LONP2: variants seen among roughly 807,000 people sequenced by gnomAD.
LONP2 encodes lon protease homolog 2, peroxisomal.
LONP2 carries 60 observed loss-of-function variants against 85.6 expected under a neutral mutation model. The observed-to-expected ratio is 0.70, with a 90% confidence interval of 0.57 to 0.87. The LOEUF is 0.87. LONP2 is among the 40% of genes least tolerant of loss of function. The probability of loss-of-function intolerance (pLI) is 0.00; values close to 1 mark genes in which losing one functional copy is unlikely to be tolerated. For missense variants in LONP2, 860 were observed against 1,063.5 expected (o/e 0.81, Z 2.66); for synonymous variants, 395 against 389.7 (o/e 1.01, Z -0.16).
chr16:48,293,926 A>T (rs574357534), intron 8 of LONP2, among the ~76,000 whole-genome samples: 1 of 152,140 alleles, frequency 6.6e-6, no homozygotes, highest in Admixed American at 6.5e-5. Context: ...GTACCTAAAC[A>T]GTTTGTTTGT....
At chr16:48,277,947 G>A (rs1449697800) in intron 8 of LONP2, among the ~76,000 whole-genome samples, 1 of 151,414 alleles carries the variant, frequency 6.6e-6, no homozygotes, top group Admixed American at 6.6e-5. Flanking sequence ...AACAGGAGGT[G>A]AAGATTTTAC....
chr16:48,252,531 A>G (rs1273725560), intron 2 of LONP2, among the ~76,000 whole-genome samples, 166 bp downstream of exon 2: 3 of 152,224 alleles, frequency 2.0e-5, no homozygotes, highest in Non-Finnish European at 4.4e-5. Context: ...GGTTGTACCT[A>G]AATCATTCCA....
At chr16:48,272,857 C>G (rs940699138) in intron 7 of LONP2, among the ~76,000 whole-genome samples, 1 of 152,072 alleles carries the variant, frequency 6.6e-6, no homozygotes, top group African/African-American at 2.4e-5. Flanking sequence ...TTTGGAAGCA[C>G]GTGGAGAGTA....
intron 11 of LONP2, among the ~76,000 whole-genome samples, chr16:48,332,393 TG>T (rs1296704527): frequency 2.0e-5 from 3 of 152,056 alleles, no homozygotes; most frequent in African/African-American, 7.2e-5. Flanking sequence ...CTGGTCAACA[TG>T]GTGAAACCCC....
chr16:48,314,771 T>A (rs1397241893), intron 11 of LONP2, among the ~76,000 whole-genome samples: 2 of 152,248 alleles, frequency 1.3e-5, no homozygotes, highest in Non-Finnish European at 2.9e-5. Flanking sequence ...TATGTGTATA[T>A]TATTGTAAAT....
chr16:48,335,321 T>C (rs909203503), intron 12 of LONP2, among the ~76,000 whole-genome samples: 3 of 152,214 alleles, frequency 2.0e-5, no homozygotes, highest in Non-Finnish European at 2.9e-5. Context: ...AACCTATTGT[T>C]CCATTGTTAA....
chr16:48,320,530 A>T (rs1236044391), intron 11 of LONP2, among the ~76,000 whole-genome samples: 7 of 146,998 alleles, frequency 4.8e-5, no homozygotes, highest in African/African-American at 1.8e-4. Flanking sequence ...AAGATTATTA[A>T]AAAAAAAAAA....
chr16:48,334,581 T>A, intron 12 of LONP2: 1 of 669,576 alleles, frequency 1.5e-6, no homozygotes. Flanking sequence ...ATCATCTTCT[T>A]GCAGTTGTAT....
downstream of LONP2, chr16:48,360,404 AGAGTT>A (rs751432225): frequency 6.8e-6 from 1 of 146,392 alleles, no homozygotes; most frequent in East Asian, 1.9e-4. Flanking sequence ...TGCTGTGATT[AGAGTT>A]AAGTCTACCG....
At chr16:48,347,017 G>T (rs1266980883) in intron 12 of LONP2, among the ~76,000 whole-genome samples, 1 of 152,062 alleles carries the variant, frequency 6.6e-6, no homozygotes, top group Non-Finnish European at 1.5e-5. Context: ...GGGTGTGGTG[G>T]CCTGTGTGCG....
rs1213198462 is a variant in LONP2 at position 48,256,745 on chromosome 16, C to G, written c.600+4C>G. ...AAGCAACAAAGAGAAACTCCAGGTA[C>G]AGTGTTCCCTTTTGAACGCCAGGTT... is the stretch of plus-strand genomic sequence containing the variant. On this transcript the variant is annotated splice_donor_region_variant and intron_variant, in intron 3 of 14. Coordinates refer to ENST00000285737, the MANE Select transcript of LONP2 (RefSeq NM_031490.5). The G allele has an allele frequency of 6.2e-7, 1 of 1,612,826 alleles. No individual in the cohort carries two copies.
intron 8 of LONP2, among the ~76,000 whole-genome samples, chr16:48,292,689 T>C (rs1335601486): frequency 2.0e-5 from 3 of 152,232 alleles, no homozygotes; most frequent in Non-Finnish European, 1.5e-5. Flanking sequence ...GGAAGTCAGC[T>C]GTTAACAAAC....
chr16:48,298,223 T>C (rs1972716445), intron 9 of LONP2, among the ~76,000 whole-genome samples: 1 of 152,218 alleles, frequency 6.6e-6, no homozygotes. Context: ...CTAGCTTTCC[T>C]GGTGTTTACT....
intron 12 of LONP2, among the ~76,000 whole-genome samples, chr16:48,338,748 A>C (rs183856129): frequency 7.4e-4 from 113 of 152,180 alleles, no homozygotes; most frequent in African/African-American, 2.6e-3. Context: ...TCTCTACAAA[A>C]AATACAAAAA....
At chr16:48,311,740 G>A (rs1217072891) in intron 11 of LONP2, among the ~76,000 whole-genome samples, 1 of 152,020 alleles carries the variant, frequency 6.6e-6, no homozygotes, top group Non-Finnish European at 1.5e-5. Flanking sequence ...CTGCCTCACT[G>A]TCCTAAGTAG....
chr16:48,244,752 G>A (rs1971256069), intron 1 of LONP2, 131 bp downstream of exon 1: 1 of 553,364 alleles, frequency 1.8e-6, no homozygotes. Context: ...CCGCCTCTCT[G>A]GTGCTATCAC....
intron 7 of LONP2, among the ~76,000 whole-genome samples, 161 bp downstream of exon 7, chr16:48,270,435 G>C (rs1307066041): frequency 6.6e-6 from 1 of 152,166 alleles, no homozygotes; most frequent in African/African-American, 2.4e-5. Flanking sequence ...CTAGCCTAGA[G>C]CCTCTAAGCG....
intron 8 of LONP2, among the ~76,000 whole-genome samples, chr16:48,284,304 G>A (rs1364032829): frequency 6.6e-6 from 1 of 152,156 alleles, no homozygotes; most frequent in African/African-American, 2.4e-5. Context: ...GCAGCAACAG[G>A]GTTTGAAAGG....
In LONP2 at chr16:48,299,514, G is replaced by A. The variant is rs1972754923; in HGVS notation, c.1535-148G>A. 1.8e-5 allele frequency: 12 copies of A among 666,442 alleles called. No homozygotes were observed. In the East Asian group the frequency reaches 3.9e-4, roughly 22 times the overall value. 41.3% of individuals were successfully genotyped at this position (666,442 alleles called of 1,614,324 possible). On this transcript the variant is annotated intron_variant, in intron 9 of 14. Transcript: ENST00000285737. ...GGAGAATCACTTGAACCTGAGAGGT[G>A]GAGGTTGTAGTGAGCCGAGATCACG...
Sources: allele counts gnomAD v4.1 joint callset (sites outside exome capture counted in the v4.1 genomes callset), GRCh38; gene constraint gnomAD v4.1.1; transcripts MANE v1.5; gene names NCBI Gene and HGNC (gene_info 2026-07-23, HGNC 2026-07-21).